Variants in DCC observed in about 807,000 individuals in gnomAD.
DCC encodes DCC netrin 1 receptor.
In DCC, 58 loss-of-function variants were observed where a neutral mutation model predicts 172.5. The ratio of observed to expected loss-of-function variants is 0.34; its 90% CI spans 0.27 to 0.42. The LOEUF (loss-of-function observed/expected upper bound fraction) is 0.42, where lower values mean the gene tolerates loss of function less well. DCC is among the 10% of genes least tolerant of loss of function. DCC has a pLI of 1.00. For synonymous variants in DCC, 709 were observed against 644.5 expected, an observed-to-expected ratio of 1.10 and a Z score of -1.52; for missense variants, 1,740 against 1,791.0, an observed-to-expected ratio of 0.97 and a Z score of 0.51.
intron 2 of DCC, among the ~76,000 whole-genome samples, chr18:52,899,584 A>T (rs1404068132): frequency 1.3e-5 from 2 of 151,732 alleles, no homozygotes; most frequent in Non-Finnish European, 2.9e-5. Flanking sequence ...CGAACTCCGG[A>T]ACTCAGGTGA....
chr18:53,257,039 T>C (rs1378293531), intron 12 of DCC, among the ~76,000 whole-genome samples: 2 of 152,234 alleles, frequency 1.3e-5, no homozygotes, highest in Non-Finnish European at 2.9e-5. Context: ...ATAAGAATGC[T>C]TGTGATTTTT....
intron 5 of DCC, among the ~76,000 whole-genome samples, chr18:52,948,640 T>C (rs7241707): frequency 0.47 from 71,683 of 151,550 alleles, 17,398 homozygotes; most frequent in Non-Finnish European, 0.52. Context: ...TTTCTTCTCC[T>C]CCAAAACTGA....
chr18:53,466,976 A>C (rs1256528676), intron 24 of DCC, among the ~76,000 whole-genome samples: 1 of 152,178 alleles, frequency 6.6e-6, no homozygotes, highest in Non-Finnish European at 1.5e-5. Flanking sequence ...TATGCTGTTA[A>C]TTTTTTAAAA....
At chr18:53,090,660 C>T (rs1199596626) in intron 7 of DCC, among the ~76,000 whole-genome samples, 1 of 123,998 alleles carries the variant, frequency 8.1e-6, no homozygotes, top group African/African-American at 3.1e-5. Context: ...CACCACTGCA[C>T]TCCAGCCTGG....
At chr18:52,919,411 T>C (rs1211877619) in intron 3 of DCC, among the ~76,000 whole-genome samples, 1 of 152,240 alleles carries the variant, frequency 6.6e-6, no homozygotes, top group Non-Finnish European at 1.5e-5. Context: ...GGGGGAACTT[T>C]CTTACTATTT....
intron 15 of DCC, among the ~76,000 whole-genome samples, chr18:53,380,454 TCTTG>T (rs1350118920): frequency 6.6e-6 from 1 of 152,204 alleles, no homozygotes; most frequent in Non-Finnish European, 1.5e-5. Context: ...TACAATATTT[TCTTG>T]TTTTTTGTTC....
intron 1 of DCC, chr18:52,409,285 C>G (rs1174798728): frequency 6.6e-6 from 1 of 152,082 alleles, no homozygotes; most frequent in Non-Finnish European, 1.5e-5. Flanking sequence ...TATCCAAAGG[C>G]AACTGATTCT....
At chr18:52,401,941 G>C (rs145812809) in intron 1 of DCC, among the ~76,000 whole-genome samples, 258 of 151,876 alleles carry the variant, frequency 1.7e-3, no homozygotes, top group Non-Finnish European at 3.3e-3. Context: ...TTAATACAAC[G>C]AACTGCCTTT....
chr18:52,656,790 C>T (rs2035262630), intron 1 of DCC, among the ~76,000 whole-genome samples: 1 of 152,102 alleles, frequency 6.6e-6, no homozygotes, highest in Non-Finnish European at 1.5e-5. Context: ...ATTATAAGCA[C>T]TACCATTAAC....
chr18:52,910,738 A>G (rs1270067791), intron 3 of DCC, among the ~76,000 whole-genome samples: 3 of 152,170 alleles, frequency 2.0e-5, no homozygotes, highest in Admixed American at 2.0e-4. Context: ...AGTTTGCCTA[A>G]TGGCCTAATT....
chr18:53,257,887 G>T (rs1009018863), intron 12 of DCC, among the ~76,000 whole-genome samples: 1 of 152,154 alleles, frequency 6.6e-6, no homozygotes, highest in African/African-American at 2.4e-5. Context: ...CTCAATTTCA[G>T]AGCCTGTTAT....
In DCC at chr18:53,205,239, A is replaced by T. The variant is rs2055606359; in HGVS notation, c.1597A>T (p.Asn533Tyr). The T allele has an allele frequency of 1.2e-6, 2 of 1,613,532 alleles. No individual in the cohort carries two copies. The highest frequency in any genetic ancestry group is 1.7e-6 in the Non-Finnish European group (2 of 1,179,618). ...PELQVPGPVE[N>Y]LQAVSTSPTS... is the part of the protein sequence containing the mutation. The stretch of plus-strand genomic sequence containing the variant: ...AGTGCAAGTTCCAGGGCCAGTAGAA[A>T]ACCTGCAAGCTGTATCTACCTCACC... Residue 533 changes from asparagine (N) to tyrosine (Y), a missense_variant, in exon 10 of 29, where the codon AAC becomes TAC. Asn to Tyr is a moderately radical substitution (Grantham distance 143). Coordinates refer to ENST00000442544, the MANE Select transcript of DCC (RefSeq NM_005215.4).
intron 24 of DCC, among the ~76,000 whole-genome samples, chr18:53,464,201 G>A (rs2045591585): frequency 6.6e-6 from 1 of 152,160 alleles, no homozygotes; most frequent in South Asian, 2.1e-4. Flanking sequence ...TTAGTTTCTT[G>A]AAATGGATTT....
At chr18:52,927,361 A>G (rs1209335881) in intron 5 of DCC, among the ~76,000 whole-genome samples, 1 of 151,622 alleles carries the variant, frequency 6.6e-6, no homozygotes, top group African/African-American at 2.4e-5. Context: ...GCTGTTTGAT[A>G]CATATAAAAC....
At chr18:52,631,530 A>T (rs1381939838) in intron 1 of DCC, among the ~76,000 whole-genome samples, 6 of 152,260 alleles carry the variant, frequency 3.9e-5, no homozygotes, top group African/African-American at 1.4e-4. Context: ...CTGGGGGGAA[A>T]ATGCTAATCT....
At chr18:52,596,258 A>G (rs978296196) in intron 1 of DCC, among the ~76,000 whole-genome samples, 6 of 152,210 alleles carry the variant, frequency 3.9e-5, no homozygotes, top group African/African-American at 1.4e-4. Context: ...GATTCCAGAC[A>G]CACTCACACG....
chr18:53,511,013 G>A (rs1486982628), intron 27 of DCC, among the ~76,000 whole-genome samples: 2 of 152,146 alleles, frequency 1.3e-5, no homozygotes, highest in Admixed American at 1.3e-4. Context: ...GAGTGGCTTT[G>A]AACAAGTCCT....
rs568250111 is a variant in DCC at position 53,208,346 on chromosome 18, G to A, written c.1861+529G>A. Among the ~76,000 whole-genome samples the A allele has an allele frequency of 4.0e-5, 6 of 151,780 alleles. No individual in the cohort carries two copies. In the East Asian group the frequency reaches 7.8e-4, roughly 20 times the overall value. ...ACTCTTGAGTCAGTATATACTAATA[G>A]GTAATCCTCAAAATGTGACTATTGA... On this transcript the variant is annotated intron_variant, in intron 11 of 28. Transcript: ENST00000442544.
chr18:53,389,899 G>A (rs1212682152), intron 16 of DCC, among the ~76,000 whole-genome samples: 8 of 152,288 alleles, frequency 5.3e-5, no homozygotes, highest in East Asian at 1.9e-4. Context: ...TACAGTTAAT[G>A]TATGTTTACC....
Sources: gnomAD v4.1 joint callset for allele counts (sites outside exome capture counted in the v4.1 genomes callset) on GRCh38, gnomAD v4.1.1 for gene constraint, MANE v1.5 for transcripts, NCBI Gene and HGNC (gene_info 2026-07-23, HGNC 2026-07-21) for gene names.